The following CNTN6 variants were observed in gnomAD, a reference collection of about 807,000 sequenced individuals.
CNTN6 encodes contactin 6.
Under a neutral mutation model 122.8 loss-of-function variants are expected in CNTN6, and 137 were observed. The observed-to-expected ratio is 1.12, with a 90% CI of 0.97 to 1.29. CNTN6 has a LOEUF of 1.29. Ranked by LOEUF, CNTN6 falls within the 50% of genes most tolerant of loss-of-function variation. The pLI, the probability that CNTN6 is intolerant of heterozygous loss-of-function variation, is 0.00. For missense variants in CNTN6, 1,634 were observed against 1,223.4 expected (o/e 1.34, Z -5.01); for synonymous variants, 570 against 426.0 (o/e 1.34, Z -4.16).
intron 3 of CNTN6, among the ~76,000 whole-genome samples, chr3:1,226,466 C>A (rs1343186296): frequency 6.6e-6 from 1 of 152,150 alleles, no homozygotes; most frequent in Non-Finnish European, 1.5e-5. Flanking sequence ...CACTCTTCTT[C>A]TCTGAAGCAG....
chr3:1,383,437 A>G (rs1218022671), intron 19 of CNTN6, 29 bp downstream of exon 19: 1 of 1,567,522 alleles, frequency 6.4e-7, no homozygotes, highest in Non-Finnish European at 8.8e-7. Flanking sequence ...ACTTTTGCTT[A>G]TGAATGTGCC....
At chr3:1,397,129 G>C (rs1218534767) in intron 20 of CNTN6, among the ~76,000 whole-genome samples, 1 of 152,172 alleles carries the variant, frequency 6.6e-6, no homozygotes, top group Admixed American at 6.5e-5. Context: ...CATGCCTAGA[G>C]TTAGATGCTG....
intron 1 of CNTN6, among the ~76,000 whole-genome samples, chr3:1,110,427 T>G (rs1228127441): frequency 1.3e-5 from 2 of 152,066 alleles, no homozygotes; most frequent in Non-Finnish European, 2.9e-5. Context: ...TTCCATAAAC[T>G]TTTATGGAGG....
At chr3:1,254,320 C>T (rs1380457736) in intron 4 of CNTN6, among the ~76,000 whole-genome samples, 1 of 152,086 alleles carries the variant, frequency 6.6e-6, no homozygotes, top group African/African-American at 2.4e-5. Context: ...ATTTCTTTGG[C>T]ACCTTTTTCA....
chr3:1,329,842 G>C lies in CNTN6; in HGVS notation c.1271G>C (p.Gly424Ala). The C allele has an allele frequency of 6.2e-7, 1 of 1,610,754 alleles. No individual in the cohort carries two copies. Among genetic ancestry groups the C allele is most frequent in the Non-Finnish European group, 8.5e-7 (1 of 1,177,978 alleles). Reference protein sequence around the residue: ...PVKKKSFVQVGGDIVIGCKPN... With the variant: ...PVKKKSFVQVAGDIVIGCKPN... ...AAAAAAAAGTCTTTTGTTCAAGTTG[G>C]TGGGGATATTGTTATCGGATGCAAA... Residue 424 changes from glycine (G) to alanine (A), a missense_variant, in exon 11 of 23, where the codon GGT (glycine) becomes GCT (alanine). Coordinates refer to ENST00000446702, the MANE Select transcript of CNTN6 (RefSeq NM_001289080.2).
At chr3:1,353,711 A>T (rs1446645371) in intron 12 of CNTN6, among the ~76,000 whole-genome samples, 3 of 151,712 alleles carry the variant, frequency 2.0e-5, no homozygotes, top group Admixed American at 6.6e-5. Context: ...TTAACGGGAA[A>T]AAAAGATATT....
chr3:1,317,435 AAAAT>A (rs753078385), intron 7 of CNTN6, among the ~76,000 whole-genome samples: 31 of 151,816 alleles, frequency 2.0e-4, no homozygotes, highest in Admixed American at 1.3e-3. Context: ...GCTTAAGAAA[AAAAT>A]AATATATTGG....
chr3:1,104,190 T>C (rs2091103874), intron 1 of CNTN6, among the ~76,000 whole-genome samples: 1 of 152,138 alleles, frequency 6.6e-6, no homozygotes, highest in Non-Finnish European at 1.5e-5. Context: ...CTAACATTGT[T>C]AATTTTCGGT....
At position 1,385,613 on chromosome 3, in the gene CNTN6, C is replaced by CTT. The variant is rs753115393; in HGVS notation, c.2521_2522dup (p.Leu841PhefsTer12). 1 of 1,609,812 alleles carries CTT rather than the reference C, an allele frequency of 6.2e-7. No homozygotes were observed. Among genetic ancestry groups the CTT allele is most frequent in the Admixed American group, 1.7e-5 (1 of 59,032 alleles). On this transcript the variant is annotated frameshift_variant, in exon 20 of 23. Coordinates refer to ENST00000446702, the MANE Select transcript of CNTN6 (RefSeq NM_001289080.2). LOFTEE classifies it high-confidence loss of function. ...TTGTTTTGGTTTTTAATTATCAGGT[C>CTT]TTATACTGGACAGATGACTCCAAAG...
intron 20 of CNTN6, among the ~76,000 whole-genome samples, chr3:1,397,433 G>A (rs1332992326): frequency 1.3e-5 from 2 of 151,992 alleles, no homozygotes; most frequent in Non-Finnish European, 2.9e-5. Flanking sequence ...TGTTGCTGTT[G>A]ATGATGATGA....
At chr3:1,271,686 G>C (rs1407354207) in intron 4 of CNTN6, among the ~76,000 whole-genome samples, 1 of 152,180 alleles carries the variant, frequency 6.6e-6, no homozygotes, top group African/African-American at 2.4e-5. Flanking sequence ...CAGAAACAGA[G>C]CCACTTCTAG....
intron 7 of CNTN6, among the ~76,000 whole-genome samples, chr3:1,310,815 A>C (rs1393868563): frequency 1.3e-5 from 2 of 152,140 alleles, no homozygotes; most frequent in African/African-American, 4.8e-5. Flanking sequence ...TAGCCTGCCC[A>C]ATATGGAGAA....
chr3:1,329,948 T>G lies in CNTN6; in HGVS notation c.1364+13T>G. 1.3e-6 allele frequency: 2 copies of G among 1,514,362 alleles called. No individual in the cohort carries two copies. The highest frequency in any genetic ancestry group is 1.8e-6 in the Non-Finnish European group (2 of 1,135,086). 93.8% of individuals were successfully genotyped at this position (1,514,362 alleles called of 1,614,324 possible). On this transcript the variant is annotated intron_variant, in intron 11 of 22. Coordinates refer to ENST00000446702, the MANE Select transcript of CNTN6 (RefSeq NM_001289080.2). ...GACAAAGCAAAAGGTAAACAAATCT[T>G]TATTTTTAAAAATATTTTTGTTTGT...
intron 5 of CNTN6, among the ~76,000 whole-genome samples, chr3:1,282,393 C>T (rs999839410): frequency 1.3e-5 from 2 of 152,154 alleles, no homozygotes; most frequent in Non-Finnish European, 2.9e-5. Flanking sequence ...GCAATAATGC[C>T]AGGACACAGT....
chr3:1,159,891 GCTCACTGCAA>G (rs1325655456), intron 2 of CNTN6, among the ~76,000 whole-genome samples: 1 of 151,946 alleles, frequency 6.6e-6, no homozygotes, highest in Non-Finnish European at 1.5e-5. Flanking sequence ...CGCGGTCTCA[GCTCACTGCAA>G]CTTCTGCCTC....
chr3:1,207,234 C>G (rs13097143), intron 2 of CNTN6, among the ~76,000 whole-genome samples: 1 of 151,662 alleles, frequency 6.6e-6, no homozygotes. Flanking sequence ...AATGGAAAAC[C>G]TATCCCTCCA....
In CNTN6 at chr3:1,212,492, TATACATGTGTGTATATATATAC is replaced by T. The variant is rs1327013820; in HGVS notation, c.56-8191_56-8170del. On this transcript the variant is annotated intron_variant, in intron 2 of 22. Coordinates refer to ENST00000446702, the MANE Select transcript of CNTN6 (RefSeq NM_001289080.2). ...ATACACATACATGTGTGTGTATATATATACATGTGTGTATATATATACATATGTGTGTGTATATATATACACA... is the reference window on the plus strand; with the variant it reads ...ATACACATACATGTGTGTGTATATATATATGTGTGTGTATATATATACACA... Among the ~76,000 whole-genome samples the T allele has an allele frequency of 4.9e-5, 6 of 121,282 alleles. No individual in the cohort carries two copies. In the East Asian group the frequency reaches 3.7e-3, roughly 74 times the overall value. The allele number at this position is 121,282 out of a possible 152,430, so 79.6% of individuals were successfully genotyped here.
chr3:1,149,311 T>C (rs577610466), intron 2 of CNTN6, among the ~76,000 whole-genome samples: 35 of 152,298 alleles, frequency 2.3e-4, no homozygotes, highest in African/African-American at 7.9e-4. Flanking sequence ...TACCATACCA[T>C]GCTTCTTCCC....
intron 7 of CNTN6, among the ~76,000 whole-genome samples, chr3:1,304,816 A>AC (rs1461602611): frequency 3.3e-5 from 5 of 151,614 alleles, no homozygotes; most frequent in East Asian, 1.9e-4. Flanking sequence ...AGAAGGTGAA[A>AC]CCCCCTTATC....
Sources: gnomAD v4.1 joint callset for allele counts (sites outside exome capture counted in the v4.1 genomes callset) on GRCh38, gnomAD v4.1.1 for gene constraint, MANE v1.5 for transcripts, NCBI Gene and HGNC (gene_info 2026-07-23, HGNC 2026-07-21) for gene names.